IL12RB1: variants seen among roughly 807,000 people sequenced by gnomAD.
The protein encoded by IL12RB1 is interleukin-12 receptor subunit beta-1.
IL12RB1 carries 64 observed loss-of-function variants against 94.4 expected under a neutral mutation model. The ratio of observed to expected loss-of-function variants is 0.68; its 90% confidence interval spans 0.55 to 0.83. The LOEUF is 0.83. Ranked by LOEUF, IL12RB1 falls within the 40% of genes least tolerant of loss-of-function variation. The pLI is 0.00. For synonymous variants in IL12RB1, 362 were observed against 355.5 expected, an observed-to-expected ratio of 1.02 and a Z score of -0.21; for missense variants, 814 against 855.6, an observed-to-expected ratio of 0.95 and a Z score of 0.61.
upstream of IL12RB1, among the ~76,000 whole-genome samples, chr19:18,091,877 T>C (rs1599595540): frequency 6.6e-6 from 1 of 150,596 alleles, no homozygotes; most frequent in Non-Finnish European, 1.5e-5. Flanking sequence ...TCTTTTTTTT[T>C]TTTTTTTTTT....
At chr19:18,095,505 T>C (rs1360116907) in intron 1 of IL12RB1, among the ~76,000 whole-genome samples, 7 of 152,186 alleles carry the variant, frequency 4.6e-5, no homozygotes, top group Non-Finnish European at 1.0e-4. Context: ...AGATTGGTAG[T>C]TGCCAGGGGC....
In IL12RB1 at chr19:18,059,891, G is replaced by C. The variant is rs2033999524; in HGVS notation, c.1983+3C>G. On this transcript the variant is annotated splice_donor_region_variant and intron_variant, in intron 16 of 16. Coordinates refer to ENST00000593993, the MANE Select transcript of IL12RB1 (RefSeq NM_005535.3). ...GACCGTCTGGCCCACTGGGCCCCAG[G>C]ACCTTGGCCTTGCACCTGTCTCCAT... 6.4e-7 allele frequency: 1 copy of C among 1,560,082 alleles called. No homozygotes were observed. The highest frequency in any genetic ancestry group is 1.4e-5 in the African/African-American group (1 of 73,326).
rs1568517350 is a variant in IL12RB1 at position 18,082,179 on chromosome 19, T to G, written c.210A>C (p.Thr70=). The part of the protein sequence containing the change: ...YECSWQYEGP[T]AGVSHFLRCC... The stretch of plus-strand genomic sequence containing the variant: ...ACCGCAGGAAGTGGCTGACCCCAGC[T>G]GTGGGACCCTCATACTGCCAGGAGC... Residue 70 remains threonine (T), a synonymous_variant, in exon 3 of 17, where the codon ACA becomes ACC. Transcript: ENST00000593993. 6.2e-7 allele frequency: 1 copy of G among 1,613,174 alleles called. No homozygotes were observed. The highest frequency in any genetic ancestry group is 2.2e-5 in the East Asian group (1 of 44,880).
intron 13 of IL12RB1, 124 bp downstream of exon 13, chr19:18,063,752 T>C: frequency 2.4e-6 from 2 of 849,968 alleles, no homozygotes; most frequent in Non-Finnish European, 3.5e-6. Context: ...GCTGCTACTT[T>C]CTCCTGAGGG....
In IL12RB1 at chr19:18,063,978, T is replaced by C. The variant is rs1188735324; in HGVS notation, c.1516A>G (p.Thr506Ala). The C allele has an allele frequency of 3.7e-6, 6 of 1,611,736 alleles. No individual in the cohort carries two copies. The highest frequency in any genetic ancestry group is 5.1e-6 in the Non-Finnish European group (6 of 1,178,320). The change falls in exon 13 of 17, where the codon ACC becomes GCC. Residue 506 changes from threonine to alanine, a missense_variant. Physicochemically the swap from Thr to Ala is moderately conservative, Grantham distance 58. Coordinates refer to ENST00000593993, the MANE Select transcript of IL12RB1 (RefSeq NM_005535.3). ...ACACCAGCCCGCAGGCCACTGAGGG[T>C]AACTTGGGTCTCTGTGGGCTGCACG... The part of the protein sequence containing the change: ...HPVQPTETQV[T>A]LSGLRAGVAY...
chr19:18,094,573 A>G (rs2036796096), intron 1 of IL12RB1, among the ~76,000 whole-genome samples: 1 of 152,226 alleles, frequency 6.6e-6, no homozygotes. Flanking sequence ...CAAATTTAAA[A>G]TATAGAGTTG....
At chr19:18,097,786 C>A in intron 1 of IL12RB1, 1 of 1,219,192 alleles carries the variant, frequency 8.2e-7, no homozygotes, top group Non-Finnish European at 1.0e-6. Context: ...GCGCGGACTC[C>A]CGGGCCATGG....
chr19:18,093,452 GC>G (rs1163439183), intron 1 of IL12RB1, among the ~76,000 whole-genome samples: 2 of 151,718 alleles, frequency 1.3e-5, no homozygotes, highest in African/African-American at 4.9e-5. Context: ...ACTCCTTCTT[GC>G]CCACTGAGGG....
intron 4 of IL12RB1, among the ~76,000 whole-genome samples, chr19:18,078,336 G>A: frequency 6.6e-6 from 1 of 152,120 alleles, no homozygotes; most frequent in African/African-American, 2.4e-5. Context: ...GAACCCAGGA[G>A]GCGGAGGTTG....
chr19:18,063,929 G>T lies in IL12RB1; in HGVS notation c.1565C>A (p.Ala522Glu). 1.2e-6 allele frequency: 2 copies of T among 1,613,278 alleles called. No individual in the cohort carries two copies. Among genetic ancestry groups the T allele is most frequent in the Non-Finnish European group, 1.7e-6 (2 of 1,179,492 alleles). The change falls in exon 13 of 17, where the codon GCA becomes GAA. Residue 522 changes from alanine (A) to glutamate (E), a missense_variant. Coordinates refer to ENST00000593993, the MANE Select transcript of IL12RB1 (RefSeq NM_005535.3). ...AGVAYTVQVRADTAWLRGVWS... is the reference protein window; with the variant it reads ...AGVAYTVQVREDTAWLRGVWS... ...GACACCCCTCAGCCACGCTGTGTCT[G>T]CTCGCACCTGCACCGTGTAGGCTAC...
At position 18,084,283 on chromosome 19, in the gene IL12RB1, TATCCATCCATCC is replaced by T. The variant is rs201729346; in HGVS notation, c.65-804_65-793del. Among the ~76,000 whole-genome samples, 13 of 129,584 alleles carry T rather than the reference TATCCATCCATCC, an allele frequency of 1.0e-4. No individual in the cohort carries two copies. In the South Asian group the frequency reaches 1.1e-3, roughly 11 times the overall value. The allele number at this position is 129,584 out of a possible 152,430, so 85.0% of individuals were successfully genotyped here. On this transcript the variant is annotated intron_variant, in intron 1 of 16. Coordinates refer to ENST00000593993, the MANE Select transcript of IL12RB1 (RefSeq NM_005535.3). ...TCCATCCATCCACCCCCCATCCATC[TATCCATCCATCC>T]ATCCATCCATCCATCCATCCATCAA...
intron 1 of IL12RB1, among the ~76,000 whole-genome samples, chr19:18,092,174 G>A (rs1457195213): frequency 3.4e-5 from 5 of 147,084 alleles, no homozygotes; most frequent in African/African-American, 5.0e-5. Context: ...ACCGCCCCTC[G>A]ACCATCCAGC....
chr19:18,075,068 A>G (rs2035359138), intron 7 of IL12RB1, among the ~76,000 whole-genome samples: 1 of 150,772 alleles, frequency 6.6e-6, no homozygotes. Context: ...AAAAACAACA[A>G]AAAACAACAA....
chr19:18,082,228 C>T lies in IL12RB1; in HGVS notation c.161G>A (p.Arg54Gln), dbSNP rs377441024. The change falls in exon 3 of 17, where the codon CGG becomes CAG. Residue 54 changes from arginine to glutamine, a missense_variant. Transcript: ENST00000593993. ...ASGPRDLRCY[R>Q]ISSDRYECSW... ...GCACTCGTAACGATCACTGGATATCCGATAGCATCTCAGGTCCCTAGGGCC... is the reference window on the plus strand; with the variant it reads ...GCACTCGTAACGATCACTGGATATCTGATAGCATCTCAGGTCCCTAGGGCC... The T allele has an allele frequency of 6.2e-6, 10 of 1,613,618 alleles. No homozygotes were observed. The highest frequency in any genetic ancestry group is 4.0e-5 in the African/African-American group (3 of 75,020).
chr19:18,075,545 GC>G (rs2035408973), intron 7 of IL12RB1, among the ~76,000 whole-genome samples: 1 of 152,080 alleles, frequency 6.6e-6, no homozygotes, highest in Non-Finnish European at 1.5e-5. Flanking sequence ...ACAGGCATCA[GC>G]CACCACGCCC....
intron 1 of IL12RB1, among the ~76,000 whole-genome samples, chr19:18,096,161 G>A (rs985863163): frequency 6.6e-6 from 1 of 152,232 alleles, no homozygotes; most frequent in East Asian, 1.9e-4. Context: ...AAGATCGCTT[G>A]AGCCCGGGAG....
At position 18,062,161 on chromosome 19, in the gene IL12RB1, C is replaced by T. The variant is rs2034184238; in HGVS notation, c.1715+20G>A. On this transcript the variant is annotated intron_variant, in intron 14 of 16. Coordinates refer to ENST00000593993, the MANE Select transcript of IL12RB1 (RefSeq NM_005535.3). ...AGCATCATTACCATCGCTATGGTAA[C>T]GGTAAGAGGTGTCAGTTACCTGTTC... 4.0e-6 allele frequency: 6 copies of T among 1,494,954 alleles called. No homozygotes were observed. The highest frequency in any genetic ancestry group is 5.6e-6 in the Non-Finnish European group (6 of 1,071,736). The allele number at this position is 1,494,954 out of a possible 1,614,324, so 92.6% of individuals were successfully genotyped here.
intron 15 of IL12RB1, among the ~76,000 whole-genome samples, chr19:18,060,371 T>G (rs2034033905): frequency 6.6e-6 from 1 of 151,992 alleles, no homozygotes; most frequent in African/African-American, 2.4e-5. Context: ...CCCAGCTACT[T>G]GGGAGGCTGA....
chr19:18,072,230 C>G lies in IL12RB1; in HGVS notation c.903G>C (p.Leu301=). ...AGAGATAGGGCATCTTCCCCAGGTGCAGGGTCCTGGTGGCCTTGGCCTTAC... is the reference window on the plus strand; with the variant it reads ...AGAGATAGGGCATCTTCCCCAGGTGGAGGGTCCTGGTGGCCTTGGCCTTAC... The part of the protein sequence containing the change: ...CPCKAKATRT[L]HLGKMPYLSG... The change falls in exon 9 of 17, where the codon CTG becomes CTC. Residue 301 remains leucine, a synonymous_variant. Coordinates refer to ENST00000593993, the MANE Select transcript of IL12RB1 (RefSeq NM_005535.3). 6 of 1,614,132 alleles carry G rather than the reference C, an allele frequency of 3.7e-6. No individual in the cohort carries two copies. The highest frequency in any genetic ancestry group is 4.2e-6 in the Non-Finnish European group (5 of 1,179,964).
Sources: gnomAD v4.1 joint callset for allele counts (sites outside exome capture counted in the v4.1 genomes callset) on GRCh38, gnomAD v4.1.1 for gene constraint, MANE v1.5 for transcripts, NCBI Gene and HGNC (gene_info 2026-07-23, HGNC 2026-07-21) for gene names.